The following PTCRA variants were observed in gnomAD, a reference collection of about 807,000 sequenced individuals.
PTCRA encodes pre T cell antigen receptor alpha.
In PTCRA, 9 loss-of-function variants were observed where a neutral mutation model predicts 13.4. The observed-to-expected ratio is 0.67, with a 90% CI of 0.41 to 1.18. The LOEUF (loss-of-function observed/expected upper bound fraction) is 1.18. Ranked by LOEUF, PTCRA falls within the 50% of genes most tolerant of loss-of-function variation. PTCRA has a pLI of 0.01. For synonymous variants in PTCRA, 153 were observed against 161.9 expected (o/e 0.94, Z 0.42); for missense variants, 353 against 359.8 (o/e 0.98, Z 0.15).
At chr6:42,924,700 C>T (rs767106214) in intron 3 of PTCRA, among the ~76,000 whole-genome samples, 9 of 152,002 alleles carry the variant, frequency 5.9e-5, no homozygotes, top group African/African-American at 1.7e-4. Flanking sequence ...AGGCCGGGTG[C>T]GGTGGCTCAC....
At chr6:42,923,904 T>A (rs1038346708) in intron 2 of PTCRA, among the ~76,000 whole-genome samples, 1 of 152,234 alleles carries the variant, frequency 6.6e-6, no homozygotes, top group Non-Finnish European at 1.5e-5. Context: ...CTCAATTTTG[T>A]CATCTTTCAA....
intron 1 of PTCRA, among the ~76,000 whole-genome samples, chr6:42,920,879 C>A (rs184646256): frequency 8.6e-5 from 13 of 150,400 alleles, no homozygotes; most frequent in African/African-American, 3.2e-4. Context: ...CTCACTGCAA[C>A]CTTTGCCCGG....
intron 1 of PTCRA, among the ~76,000 whole-genome samples, chr6:42,918,657 C>T (rs16896163): frequency 0.053 from 8,077 of 152,122 alleles, 686 homozygotes; most frequent in African/African-American, 0.18. Flanking sequence ...ATGTCCTAGA[C>T]GGTCCACTGT....
At position 42,923,182 on chromosome 6, in the gene PTCRA, G is replaced by T; in HGVS notation, c.214G>T (p.Asp72Tyr). The T allele has an allele frequency of 2.5e-6, 4 of 1,614,232 alleles. No individual in the cohort carries two copies. The highest frequency in any genetic ancestry group is 3.4e-6 in the Non-Finnish European group (4 of 1,180,034). ...CTCAGCCGGCAATGGCAGTGCACTG[G>T]ATGCCTTCACCTATGGCCCTTCCCC... ...WFSAGNGSAL[D>Y]AFTYGPSPAT... Residue 72 changes from aspartate (D) to tyrosine (Y), a missense_variant, in exon 2 of 4, where the codon GAT becomes TAT. Transcript: ENST00000304672.
At chr6:42,920,100 C>G (rs564716765) in intron 1 of PTCRA, among the ~76,000 whole-genome samples, 1 of 151,902 alleles carries the variant, frequency 6.6e-6, no homozygotes, top group South Asian at 2.1e-4. Flanking sequence ...GCAGGCGGAT[C>G]ACGAGGCAAG....
At chr6:42,919,153 G>T (rs1483643341) in intron 1 of PTCRA, among the ~76,000 whole-genome samples, 1 of 151,180 alleles carries the variant, frequency 6.6e-6, no homozygotes, top group East Asian at 1.9e-4. Context: ...GTGCCACCAC[G>T]CCCGGCTAAT....
intron 1 of PTCRA, among the ~76,000 whole-genome samples, chr6:42,921,351 C>T (rs1210852088): frequency 6.6e-6 from 1 of 150,732 alleles, no homozygotes; most frequent in Non-Finnish European, 1.5e-5. Context: ...ATCGCCCTGC[C>T]TCAGCCTCCC....
intron 1 of PTCRA, chr6:42,922,242 C>T (rs1230313461): frequency 1.4e-6 from 1 of 702,736 alleles, no homozygotes; most frequent in Admixed American, 2.0e-5. Flanking sequence ...CCTTCCTCAC[C>T]AGAGGCTGCC....
intron 1 of PTCRA, among the ~76,000 whole-genome samples, chr6:42,922,751 AAAG>A (rs200785267): frequency 0.047 from 7,102 of 150,948 alleles, 510 homozygotes; most frequent in African/African-American, 0.16. Context: ...AAAAAAAAAA[AAAG>A]AAAGAAAGAA....
chr6:42,924,969 TA>T (rs11343543), intron 3 of PTCRA, among the ~76,000 whole-genome samples: 91,339 of 144,822 alleles, frequency 0.63, 29,721 homozygotes, highest in African/African-American at 0.85. Flanking sequence ...AGACTCCATC[TA>T]AAAAAAAAAA....
Position 42,923,145 on chromosome 6 carries a change from C to A in PTCRA, c.177C>A (p.Ser59Arg), listed in dbSNP as rs372102699. ...ATGTTGCACCCCCTGGCCTTGACAG[C>A]CCCATCTGGTTCTCAGCCGGCAATG... is the stretch of plus-strand genomic sequence containing the variant. ...VLDVAPPGLD[S>R]PIWFSAGNGS... The change falls in exon 2 of 4, where the codon AGC becomes AGA. Residue 59 changes from serine to arginine, a missense_variant. Ser to Arg is a moderately radical substitution (Grantham distance 110). Transcript: ENST00000304672. The A allele has an allele frequency of 6.2e-7, 1 of 1,614,244 alleles. No homozygotes were observed. Among genetic ancestry groups the A allele is most frequent in the Admixed American group, 1.7e-5 (1 of 60,032 alleles).
chr6:42,919,610 G>A, intron 1 of PTCRA, among the ~76,000 whole-genome samples: 1 of 150,166 alleles, frequency 6.7e-6, no homozygotes. Context: ...CCTGCTACTG[G>A]GAAGGCTGAG....
intron 1 of PTCRA, among the ~76,000 whole-genome samples, chr6:42,921,436 T>G (rs1439844824): frequency 3.8e-5 from 4 of 105,984 alleles, no homozygotes; most frequent in African/African-American, 1.4e-4. Flanking sequence ...TTTTTTTTTT[T>G]GAGAGAGAGT....
intron 1 of PTCRA, among the ~76,000 whole-genome samples, chr6:42,920,213 G>C (rs540756811): frequency 2.0e-5 from 3 of 151,376 alleles, no homozygotes; most frequent in Non-Finnish European, 4.4e-5. Flanking sequence ...CCAGCTACTC[G>C]TGAGGCTGAG....
At chr6:42,922,291 T>A in intron 1 of PTCRA, 2 of 701,166 alleles carry the variant, frequency 2.9e-6, no homozygotes, top group South Asian at 1.5e-5. Context: ...ACACATCTAC[T>A]GTCTTTCCCA....
intron 1 of PTCRA, among the ~76,000 whole-genome samples, chr6:42,918,788 AT>A (rs35893765): frequency 0.49 from 60,800 of 122,948 alleles, 13,599 homozygotes; most frequent in African/African-American, 0.63. Flanking sequence ...TAGTAGGATA[AT>A]TTTTTTTTTT....
intron 1 of PTCRA, among the ~76,000 whole-genome samples, chr6:42,922,519 C>T (rs1006972545): frequency 5.3e-5 from 8 of 151,906 alleles, no homozygotes; most frequent in Non-Finnish European, 8.8e-5. Flanking sequence ...GAGGACGAGG[C>T]GGGTGGATCA....
rs1767390437 is a variant in PTCRA, at chr6:42,925,465, C to T, written c.629C>T (p.Ser210Leu). 2 of 1,556,484 alleles carry T rather than the reference C, an allele frequency of 1.3e-6. No homozygotes were observed. The highest frequency in any genetic ancestry group is 2.4e-5 in the South Asian group (2 of 84,740). Residue 210 changes from serine (S) to leucine (L), a missense_variant, in exon 4 of 4, where the codon TCA becomes TTA. Ser to Leu is a moderately radical substitution (Grantham distance 145). Transcript: ENST00000304672. The surrounding 1 kb of genome is among the most constrained non-coding windows in gnomAD (Gnocchi z 4.4). Reference protein sequence around the residue: ...TETGGREATSSPRPQPRDRRW... With the variant: ...TETGGREATSLPRPQPRDRRW... ...ACTGGGGGACGAGAGGCCACCAGCT[C>T]ACCCAGACCCCAGCCTCGGGACCGC...
In PTCRA at chr6:42,924,274, G is replaced by T; in HGVS notation, c.424+1G>T. On this transcript the variant is annotated splice_donor_variant, in intron 3 of 3. Coordinates refer to ENST00000304672, the MANE Select transcript of PTCRA (RefSeq NM_138296.3). LOFTEE classifies it high-confidence loss of function. ...ACCTGCCCCCAGGAGCCTCTCAGGG[G>T]TGAGTACTCCGGGCAAGGGGTGGGG... The T allele has an allele frequency of 6.2e-7, 1 of 1,612,426 alleles. No homozygotes were observed. The highest frequency in any genetic ancestry group is 8.5e-7 in the Non-Finnish European group (1 of 1,179,338).
Sources: gnomAD v4.1 joint callset for allele counts (sites outside exome capture counted in the v4.1 genomes callset) on GRCh38, gnomAD v4.1.1 for gene constraint, Gnocchi (gnomAD v3.1) non-coding constraint, MANE v1.5 for transcripts, NCBI Gene and HGNC (gene_info 2026-07-23, HGNC 2026-07-21) for gene names.